Variants in OR10G3 observed in about 807,000 individuals in gnomAD.
The protein encoded by OR10G3 is olfactory receptor family 10 subfamily G member 3.
A neutral mutation model predicts 13.4 loss-of-function variants in OR10G3; 8 were observed. The ratio of observed to expected loss-of-function variants is 0.60; its 90% CI spans 0.35 to 1.08. OR10G3 has a LOEUF of 1.08. OR10G3 is among the 50% of genes least tolerant of loss of function. The pLI, the probability that OR10G3 is intolerant of heterozygous loss-of-function variation, is 0.02. For synonymous variants in OR10G3, 142 were observed against 156.1 expected (o/e 0.91, Z 0.67); for missense variants, 393 against 386.6 (o/e 1.02, Z -0.14).
Position 21,570,253 on chromosome 14 carries a change from G to GGTT in OR10G3, c.489_491dup (p.Thr164dup). The GGTT allele has an allele frequency of 6.2e-7, 1 of 1,614,206 alleles. No individual in the cohort carries two copies. Among genetic ancestry groups the GGTT allele is most frequent in the Non-Finnish European group, 8.5e-7 (1 of 1,180,028 alleles). ...TGGGCCCACAGTAGGGCAGGCGGAA[G>GGTT]GTTAGGATGGCCTGGAGAGCCCCAT... On this transcript the variant is annotated inframe_insertion, in exon 2 of 2. Transcript: ENST00000641040.
chr14:21,572,323 G>T (rs1336290223), intron 1 of OR10G3, among the ~76,000 whole-genome samples: 19 of 48,722 alleles, frequency 3.9e-4, no homozygotes, highest in African/African-American at 1.1e-3. Context: ...AAAAGGCCAG[G>T]TGTGGTGGCT....
intron 1 of OR10G3, among the ~76,000 whole-genome samples, chr14:21,574,663 T>TG (rs1893108541): frequency 6.6e-6 from 1 of 152,152 alleles, no homozygotes; most frequent in Admixed American, 6.6e-5. Flanking sequence ...AAAGCTCCTC[T>TG]GGGACTGGGT....
intron 1 of OR10G3, among the ~76,000 whole-genome samples, chr14:21,575,600 C>T (rs1166951710): frequency 1.3e-5 from 2 of 151,854 alleles, no homozygotes; most frequent in East Asian, 1.9e-4. Flanking sequence ...AAGCTGGTCT[C>T]GAACCCCTGA....
At chr14:21,572,629 A>G (rs906626220) in intron 1 of OR10G3, among the ~76,000 whole-genome samples, 52 of 140,390 alleles carry the variant, frequency 3.7e-4, no homozygotes, top group Non-Finnish European at 6.5e-4. Flanking sequence ...AAAAAAAAAA[A>G]AAGAAGGAAA....
chr14:21,571,682 CT>C lies in OR10G3; in HGVS notation c.-17-922del, dbSNP rs11290926. ...TAGTCCAACTCCTTGATTCGCATTT[CT>C]TTTTTTTTTTGAGACAGAGTTCTCT... On this transcript the variant is annotated intron_variant, in intron 1 of 1. Coordinates refer to ENST00000641040, the MANE Select transcript of OR10G3 (RefSeq NM_001005465.2). Among the ~76,000 whole-genome samples, 723 of 148,046 alleles carry C rather than the reference CT, an allele frequency of 4.9e-3. 7 individuals are homozygous for C. The highest frequency in any genetic ancestry group is 0.017 in the African/African-American group (669 of 40,450).
chr14:21,573,174 T>C (rs1288797199), intron 1 of OR10G3, among the ~76,000 whole-genome samples: 1 of 152,054 alleles, frequency 6.6e-6, no homozygotes, highest in African/African-American at 2.4e-5. Flanking sequence ...AAGAAGGAAA[T>C]CCTGTCATTT....
At position 21,568,830 on chromosome 14, in the gene OR10G3, CCT is replaced by C. The variant is rs1893029748; in HGVS notation, c.*971_*972del. 6.6e-6 allele frequency: 1 copy of C among 151,798 alleles called. No individual in the cohort carries two copies. The highest frequency in any genetic ancestry group is 1.5e-5 in the Non-Finnish European group (1 of 68,058). The allele number at this position is 151,798 out of a possible 1,614,324, so 9.4% of individuals were successfully genotyped here. A position where few individuals can be genotyped will look rare whatever the true frequency, so the allele number is the denominator to read the frequency against. ...GGTTCACGCCATTCTCCTGCCTCAG[CCT>C]CTCTGAGTAGCTGGGACTACAGGCG... On this transcript the variant is annotated 3_prime_UTR_variant, in exon 2 of 2. Coordinates refer to ENST00000641040, the MANE Select transcript of OR10G3 (RefSeq NM_001005465.2).
rs1893031895 is a variant in OR10G3 at position 21,568,983 on chromosome 14, A to C, written c.*820T>G. On this transcript the variant is annotated 3_prime_UTR_variant, in exon 2 of 2. Transcript: ENST00000641040. ...CCAAAGTGCTGGGATTACAAGCGTG[A>C]GCCACCGCGCCCAGCGTTAGGGTTT... 6.6e-6 allele frequency: 1 copy of C among 151,608 alleles called. No homozygotes were observed. Among genetic ancestry groups the C allele is most frequent in the Non-Finnish European group, 1.5e-5 (1 of 67,988 alleles). 9.4% of individuals were successfully genotyped at this position (151,608 alleles called of 1,614,324 possible).
At chr14:21,574,527 C>G (rs1441617282) in intron 1 of OR10G3, among the ~76,000 whole-genome samples, 1 of 152,080 alleles carries the variant, frequency 6.6e-6, no homozygotes, top group Admixed American at 6.6e-5. Flanking sequence ...AGTAAGTCAT[C>G]GTAGACAGAT....
chr14:21,576,309 C>T (rs185737593), intron 1 of OR10G3, among the ~76,000 whole-genome samples: 31 of 152,256 alleles, frequency 2.0e-4, no homozygotes, highest in African/African-American at 7.2e-4. Flanking sequence ...GTGTCTACTG[C>T]CCAGGGCACC....
At position 21,570,320 on chromosome 14, in the gene OR10G3, C is replaced by T; in HGVS notation, c.425G>A (p.Ser142Asn). 1 of 1,614,216 alleles carries T rather than the reference C, an allele frequency of 6.2e-7. No homozygotes were observed. The highest frequency in any genetic ancestry group is 1.1e-5 in the South Asian group (1 of 91,090). ...CCAGGCTCCAGCCACAAGCAAGGCG[C>T]TCAGCTTAGCAGTCATGAGCACAGG... ...RYPVLMTAKLSALLVAGAWMA... is the reference protein window; with the variant it reads ...RYPVLMTAKLNALLVAGAWMA... Residue 142 changes from serine to asparagine, a missense_variant, in exon 2 of 2, where the codon AGC becomes AAC. Coordinates refer to ENST00000641040, the MANE Select transcript of OR10G3 (RefSeq NM_001005465.2).
At chr14:21,577,910 G>A (rs187097688) in intron 1 of OR10G3, among the ~76,000 whole-genome samples, 131 of 152,214 alleles carry the variant, frequency 8.6e-4, no homozygotes, top group African/African-American at 3.0e-3. Flanking sequence ...GCTGAGGCAG[G>A]AGAATCGCTG....
chr14:21,576,006 A>T (rs1210987457), intron 1 of OR10G3, among the ~76,000 whole-genome samples: 1 of 152,170 alleles, frequency 6.6e-6, no homozygotes, highest in Non-Finnish European at 1.5e-5. Context: ...GTTCCCACAC[A>T]GGTTCCTTGG....
chr14:21,577,568 G>C (rs949174912), intron 1 of OR10G3, among the ~76,000 whole-genome samples: 4 of 152,196 alleles, frequency 2.6e-5, no homozygotes, highest in Non-Finnish European at 5.9e-5. Flanking sequence ...TTCTAAACTG[G>C]TGTTACTACC....
chr14:21,570,720 A>T lies in OR10G3; in HGVS notation c.25T>A (p.Leu9Met). 6.3e-7 allele frequency: 1 copy of T among 1,594,436 alleles called. No homozygotes were observed. The highest frequency in any genetic ancestry group is 8.5e-7 in the Non-Finnish European group (1 of 1,176,750). Residue 9 changes from leucine (L) to methionine (M), a missense_variant, in exon 2 of 2, where the codon TTG becomes ATG. Leu to Met is a conservative substitution (Grantham distance 15). Transcript: ENST00000641040. ...ATTCCTGTCAGGATAAACGCAGTCA[A>T]CAGTGTGCTGTTGATTCTTTCCATA... The part of the protein sequence containing the change: MERINSTL[L>M]TAFILTGIPY...
In OR10G3 at chr14:21,570,707, A is replaced by G. The variant is rs560530650; in HGVS notation, c.38T>C (p.Ile13Thr). 1 of 1,600,920 alleles carries G rather than the reference A, an allele frequency of 6.2e-7. No homozygotes were observed. The highest frequency in any genetic ancestry group is 1.1e-5 in the South Asian group (1 of 90,680). ...GAGTGGATACGGAATTCCTGTCAGG[A>G]TAAACGCAGTCAACAGTGTGCTGTT... ...RINSTLLTAFILTGIPYPLRL... is the reference protein window; with the variant it reads ...RINSTLLTAFTLTGIPYPLRL... Residue 13 changes from isoleucine (I) to threonine (T), a missense_variant, in exon 2 of 2, where the codon ATC (isoleucine) becomes ACC (threonine). Coordinates refer to ENST00000641040, the MANE Select transcript of OR10G3 (RefSeq NM_001005465.2).
intron 1 of OR10G3, among the ~76,000 whole-genome samples, chr14:21,575,601 G>A (rs1345868020): frequency 2.0e-5 from 3 of 151,500 alleles, no homozygotes; most frequent in African/African-American, 4.9e-5. Flanking sequence ...AGCTGGTCTC[G>A]AACCCCTGAC....
In OR10G3 at chr14:21,570,308, AC is replaced by A; in HGVS notation, c.436del (p.Val146TrpfsTer18). On this transcript the variant is annotated frameshift_variant, in exon 2 of 2. Transcript: ENST00000641040. LOFTEE classifies it high-confidence loss of function. ...GGATCCTGCCATCCAGGCTCCAGCC[AC>A]AAGCAAGGCGCTCAGCTTAGCAGTC... The part of the protein sequence containing the change: ...LMTAKLSALL[V>X]AGAWMAGSIH... 1 of 1,614,226 alleles carries A rather than the reference AC, an allele frequency of 6.2e-7. No homozygotes were observed. The highest frequency in any genetic ancestry group is 1.1e-5 in the South Asian group (1 of 91,080).
In OR10G3 at chr14:21,570,309, C is replaced by T. The variant is rs373596313; in HGVS notation, c.436G>A (p.Val146Met). Residue 146 changes from valine to methionine, a missense_variant, in exon 2 of 2, where the codon GTG (valine) becomes ATG (methionine). Transcript: ENST00000641040. ...GATCCTGCCATCCAGGCTCCAGCCACAAGCAAGGCGCTCAGCTTAGCAGTC... is the reference window on the plus strand; with the variant it reads ...GATCCTGCCATCCAGGCTCCAGCCATAAGCAAGGCGCTCAGCTTAGCAGTC... ...LMTAKLSALL[V>M]AGAWMAGSIH... 3.1e-4 allele frequency: 497 copies of T among 1,614,084 alleles called. 3 individuals are homozygous for T. The highest frequency in any genetic ancestry group is 1.3e-3 in the Middle Eastern group (8 of 6,084).
Sources: allele counts gnomAD v4.1 joint callset (sites outside exome capture counted in the v4.1 genomes callset), GRCh38; gene constraint gnomAD v4.1.1; transcripts MANE v1.5; gene names NCBI Gene and HGNC (gene_info 2026-07-23, HGNC 2026-07-21).